The following ZBTB40 variants were observed in gnomAD, a reference collection of about 807,000 sequenced individuals.
ZBTB40 encodes the protein zinc finger and BTB domain containing 40, also known as zinc finger and BTB domain-containing protein 40.
In ZBTB40, 60 loss-of-function variants were observed where a neutral mutation model predicts 117.5. The ratio of observed to expected loss-of-function variants is 0.51; its 90% CI spans 0.41 to 0.63. The LOEUF (loss-of-function observed/expected upper bound fraction) is 0.63. ZBTB40 is among the 30% of genes least tolerant of loss of function. ZBTB40 has a pLI of 0.00. For synonymous variants in ZBTB40, 525 were observed against 577.1 expected (o/e 0.91, Z 1.29); for missense variants, 1,287 against 1,498.5 (o/e 0.86, Z 2.33).
At chr1:22,504,192 C>T (rs928636180) in intron 5 of ZBTB40, among the ~76,000 whole-genome samples, 4 of 152,130 alleles carry the variant, frequency 2.6e-5, no homozygotes, top group Non-Finnish European at 5.9e-5. Context: ...ATTTTGACAT[C>T]GTGTGGAATG....
intron 14 of ZBTB40, among the ~76,000 whole-genome samples, chr1:22,521,071 C>T (rs1209225846): frequency 6.6e-6 from 1 of 152,228 alleles, no homozygotes; most frequent in African/African-American, 2.4e-5. Context: ...CCCCAGCTCC[C>T]TGGGAAGCCG....
rs1407457374 is a variant in ZBTB40, at chr1:22,527,686, A to T, written c.*1290A>T. The T allele has an allele frequency of 6.6e-6, 1 of 152,398 alleles. No individual in the cohort carries two copies. Among genetic ancestry groups the T allele is most frequent in the African/African-American group, 2.4e-5 (1 of 41,474 alleles). The allele number at this position is 152,398 out of a possible 1,614,324, so 9.4% of individuals were successfully genotyped here. On this transcript the variant is annotated 3_prime_UTR_variant, in exon 18 of 18. Coordinates refer to ENST00000375647, the MANE Select transcript of ZBTB40 (RefSeq NM_014870.4). ...AGGGGAGTGCCTGGTTGGATCCCAC[A>T]CTGGCAGAGATGGGGCCACCCCTTC... is the stretch of plus-strand genomic sequence containing the variant.
chr1:22,471,939 A>G (rs1270755909), intron 1 of ZBTB40, among the ~76,000 whole-genome samples: 2 of 152,200 alleles, frequency 1.3e-5, no homozygotes, highest in African/African-American at 4.8e-5. Context: ...TCAAGAGCGG[A>G]TGGTGCCCCC....
intron 1 of ZBTB40, among the ~76,000 whole-genome samples, chr1:22,467,822 A>G (rs1384263856): frequency 6.8e-6 from 1 of 147,552 alleles, no homozygotes; most frequent in African/African-American, 2.5e-5. Flanking sequence ...GGCTGGGCAC[A>G]GTAGCTTATG....
intron 1 of ZBTB40, among the ~76,000 whole-genome samples, chr1:22,430,512 G>A (rs1374378219): frequency 6.6e-6 from 1 of 152,168 alleles, no homozygotes; most frequent in Non-Finnish European, 1.5e-5. Context: ...GATTGCTTGA[G>A]CCTGGGAGGC....
At chr1:22,466,402 G>C (rs7549394) in intron 1 of ZBTB40, among the ~76,000 whole-genome samples, 42,279 of 152,002 alleles carry the variant, frequency 0.28, 7,163 homozygotes, top group Non-Finnish European at 0.38. Context: ...TATATACTAG[G>C]AGTGGAACTG....
At chr1:22,476,377 C>T (rs541323341) in intron 1 of ZBTB40, among the ~76,000 whole-genome samples, 416 of 152,224 alleles carry the variant, frequency 2.7e-3, no homozygotes, top group Non-Finnish European at 2.6e-3. Context: ...TGCCACTACA[C>T]CTGGCTAGTT....
intron 12 of ZBTB40, among the ~76,000 whole-genome samples, chr1:22,515,602 C>T (rs1025271106): frequency 6.6e-6 from 1 of 152,166 alleles, no homozygotes; most frequent in African/African-American, 2.4e-5. Flanking sequence ...GCCTCCATCA[C>T]CATACCTCCT....
intron 1 of ZBTB40, among the ~76,000 whole-genome samples, chr1:22,461,991 G>A (rs1219010889): frequency 6.6e-6 from 1 of 152,180 alleles, no homozygotes; most frequent in Non-Finnish European, 1.5e-5. Context: ...TTACCAAGGT[G>A]CACAGCCTTG....
intron 12 of ZBTB40, among the ~76,000 whole-genome samples, chr1:22,515,257 G>A (rs780858435): frequency 4.6e-5 from 7 of 152,332 alleles, no homozygotes; most frequent in South Asian, 2.1e-4. Flanking sequence ...CAGAGTCAAC[G>A]AGGAAGAGCA....
chr1:22,492,584 T>C (rs1356458747), intron 3 of ZBTB40, among the ~76,000 whole-genome samples: 2 of 152,240 alleles, frequency 1.3e-5, no homozygotes, highest in Non-Finnish European at 2.9e-5. Flanking sequence ...CATGTTGCTA[T>C]AGGCAATTTT....
chr1:22,467,125 ATAAT>A (rs567142262), intron 1 of ZBTB40, among the ~76,000 whole-genome samples: 39 of 152,326 alleles, frequency 2.6e-4, no homozygotes, highest in Non-Finnish European at 5.0e-4. Flanking sequence ...CATTGCATAT[ATAAT>A]TAATTATTTC....
At chr1:22,469,651 G>A (rs1453675097) in intron 1 of ZBTB40, among the ~76,000 whole-genome samples, 1 of 152,036 alleles carries the variant, frequency 6.6e-6, no homozygotes, top group Non-Finnish European at 1.5e-5. Context: ...CCGCCTCCTG[G>A]CTTCAGGCAA....
At chr1:22,459,690 T>C (rs937190697) in intron 1 of ZBTB40, among the ~76,000 whole-genome samples, 3 of 152,010 alleles carry the variant, frequency 2.0e-5, no homozygotes, top group Non-Finnish European at 4.4e-5. Flanking sequence ...GCTTGTTTAT[T>C]CTGGCATATG....
intron 1 of ZBTB40, among the ~76,000 whole-genome samples, chr1:22,464,111 G>T (rs1239035722): frequency 6.6e-6 from 1 of 152,202 alleles, no homozygotes; most frequent in South Asian, 2.1e-4. Flanking sequence ...AGTGCTTTAG[G>T]TGTAACTCAT....
intron 12 of ZBTB40, among the ~76,000 whole-genome samples, chr1:22,516,190 G>A (rs1639368893): frequency 6.6e-6 from 1 of 152,146 alleles, no homozygotes; most frequent in Non-Finnish European, 1.5e-5. Context: ...GGCTGTGGGG[G>A]TGATGGGGAT....
chr1:22,523,626 G>C (rs990262170), intron 16 of ZBTB40, among the ~76,000 whole-genome samples: 2 of 152,174 alleles, frequency 1.3e-5, no homozygotes, highest in African/African-American at 2.4e-5. Flanking sequence ...TTTGATTCCT[G>C]CTTTGGGAAT....
At chr1:22,471,622 C>A (rs1641405460) in intron 1 of ZBTB40, among the ~76,000 whole-genome samples, 1 of 152,216 alleles carries the variant, frequency 6.6e-6, no homozygotes, top group Admixed American at 6.5e-5. Flanking sequence ...CAGTTGATGA[C>A]CTTGCCAAAG....
intron 1 of ZBTB40, among the ~76,000 whole-genome samples, chr1:22,444,846 A>C (rs1464964783): frequency 6.6e-6 from 1 of 152,210 alleles, no homozygotes; most frequent in African/African-American, 2.4e-5. Context: ...GTCCTCTTCC[A>C]AGTATACTTT....
Sources: gnomAD v4.1 joint callset for allele counts (sites outside exome capture counted in the v4.1 genomes callset) on GRCh38, gnomAD v4.1.1 for gene constraint, MANE v1.5 for transcripts, NCBI Gene and HGNC (gene_info 2026-07-23, HGNC 2026-07-21) for gene names.